The following OR11A1 variants were observed in gnomAD, a reference collection of about 807,000 sequenced individuals.
The protein encoded by OR11A1 is olfactory receptor 11A1.
For missense variants in OR11A1, 380 were observed against 378.2 expected, an observed-to-expected ratio of 1.00 and a Z score of -0.04; for synonymous variants, 158 against 152.2, an observed-to-expected ratio of 1.04 and a Z score of -0.28.
chr6:29,456,501 C>T (rs1165934722), intron 1 of OR11A1, among the ~76,000 whole-genome samples: 1 of 151,066 alleles, frequency 6.6e-6, no homozygotes, highest in East Asian at 1.9e-4. Flanking sequence ...CAGAGCAAGA[C>T]TCCGTCTCAA....
chr6:29,451,621 T>C (rs1785390963), intron 1 of OR11A1, among the ~76,000 whole-genome samples: 1 of 151,978 alleles, frequency 6.6e-6, no homozygotes. Context: ...GAAATGCAAG[T>C]GAAAACCACA....
chr6:29,427,436 G>A lies in OR11A1; in HGVS notation c.206C>T (p.Ser69Phe). 6.2e-7 allele frequency: 1 copy of A among 1,613,088 alleles called. No individual in the cohort carries two copies. ...GGAGGTGTAGAGAATATCCAGGAAG[G>A]ACAGATTCGCCAAGAAAATATACAT... The part of the protein sequence containing the change: ...KPMYIFLANL[S>F]FLDILYTSAV... Residue 69 changes from serine to phenylalanine, a missense_variant, in exon 5 of 5, where the codon TCC becomes TTC. Ser to Phe is a radical substitution (Grantham distance 155, BLOSUM62 -2). Transcript: ENST00000377149.
In OR11A1 at chr6:29,427,253, G is replaced by A; in HGVS notation, c.389C>T (p.Pro130Leu). ...CCCCATCAGGAGTGGGTAGTGGAGT[G>A]GGTAGCAAATTGCCAGGTAGCGGTC... ...AYDRYLAICY[P>L]LHYPLLMGPR... The change falls in exon 5 of 5, where the codon CCA (proline) becomes CTA (leucine). Residue 130 changes from proline (P) to leucine (L), a missense_variant. By Grantham distance (98) the Pro-to-Leu change is moderately conservative (BLOSUM62 -3). Transcript: ENST00000377149. 1.2e-6 allele frequency: 2 copies of A among 1,613,116 alleles called. No individual in the cohort carries two copies. The highest frequency in any genetic ancestry group is 1.7e-6 in the Non-Finnish European group (2 of 1,180,026).
At chr6:29,443,204 T>TTG (rs1784383524) in intron 1 of OR11A1, among the ~76,000 whole-genome samples, 1 of 152,160 alleles carries the variant, frequency 6.6e-6, no homozygotes, top group African/African-American at 2.4e-5. Flanking sequence ...CACCATGACA[T>TTG]TATAGGCGCA....
rs1782800541 is a variant in OR11A1 at position 29,426,394 on chromosome 6, G to A, written c.*300C>T. On this transcript the variant is annotated 3_prime_UTR_variant, in exon 5 of 5. Coordinates refer to ENST00000377149, the MANE Select transcript of OR11A1 (RefSeq NM_001394828.1). ...CCTACTTGAGGGTGGAGGTTGGGAG[G>A]AGGGAGAAGATCAGGAAAAATGATT... 2 of 303,100 alleles carry A rather than the reference G, an allele frequency of 6.6e-6. No individual in the cohort carries two copies. Among genetic ancestry groups the A allele is most frequent in the Non-Finnish European group, 6.1e-6 (1 of 163,736 alleles). 18.8% of individuals were successfully genotyped at this position (303,100 alleles called of 1,614,324 possible).
chr6:29,427,134 A>G lies in OR11A1; in HGVS notation c.508T>C (p.Cys170Arg), dbSNP rs1782878375. 1.9e-6 allele frequency: 3 copies of G among 1,612,958 alleles called. No individual in the cohort carries two copies. The Admixed American group carries it at 5.0e-5, about 27-fold the overall frequency. The change falls in exon 5 of 5, where the codon TGT becomes CGT. Residue 170 changes from cysteine to arginine, a missense_variant. Cys to Arg is a radical substitution (Grantham distance 180). Coordinates refer to ENST00000377149, the MANE Select transcript of OR11A1 (RefSeq NM_001394828.1). Reference protein sequence around the residue: ...VVALVAQLRFCGPNHIDQFYC... With the variant: ...VVALVAQLRFRGPNHIDQFYC... ...AACTGGTCAATGTGGTTGGGGCCAC[A>G]GAACCTCAGCTGGGCCACCAGGGCC...
intron 1 of OR11A1, among the ~76,000 whole-genome samples, chr6:29,443,870 C>T (rs943278546): frequency 1.3e-5 from 2 of 151,586 alleles, no homozygotes; most frequent in Non-Finnish European, 2.9e-5. Context: ...TCTATTCTAC[C>T]TTTTTCTTTG....
At chr6:29,443,198 A>G (rs1032187809) in intron 1 of OR11A1, among the ~76,000 whole-genome samples, 1 of 152,170 alleles carries the variant, frequency 6.6e-6, no homozygotes, top group African/African-American at 2.4e-5. Flanking sequence ...TGTATGCACC[A>G]TGACATTATA....
At chr6:29,440,475 G>A in intron 1 of OR11A1, 1 of 1,613,938 alleles carries the variant, frequency 6.2e-7, no homozygotes, top group East Asian at 2.2e-5. Flanking sequence ...TGGGGTGCTG[G>A]TGGGGCTGGG....
intron 1 of OR11A1, among the ~76,000 whole-genome samples, chr6:29,445,953 T>G (rs2151389856): frequency 6.6e-6 from 1 of 151,130 alleles, no homozygotes; most frequent in South Asian, 2.1e-4. Flanking sequence ...AAACAGGGGC[T>G]CTGGGTCTCC....
At chr6:29,450,766 A>G (rs1212064878) in intron 1 of OR11A1, among the ~76,000 whole-genome samples, 1 of 152,262 alleles carries the variant, frequency 6.6e-6, no homozygotes, top group African/African-American at 2.4e-5. Context: ...AAGAATCCGT[A>G]TTATCCAAAT....
In OR11A1 at chr6:29,426,443, G is replaced by T; in HGVS notation, c.*251C>A. On this transcript the variant is annotated 3_prime_UTR_variant, in exon 5 of 5. Transcript: ENST00000377149. Reference sequence around the variant, plus strand: ...TTAATGAGTACTAGGCTTAATACCTGGGTGATGAAATAATCTGTACAGTAA... The same window carrying T: ...TTAATGAGTACTAGGCTTAATACCTTGGTGATGAAATAATCTGTACAGTAA... The T allele has an allele frequency of 2.1e-6, 1 of 475,486 alleles. No individual in the cohort carries two copies. The allele number at this position is 475,486 out of a possible 1,614,324, so 29.5% of individuals were successfully genotyped here.
Position 29,453,091 on chromosome 6 carries a change from C to T in OR11A1, c.-389+3896G>A, listed in dbSNP as rs2062218167. ...TATAAGTTCAGGATCCATATGGTATCCCCAAGAAAAAAACTTGCACTTTAA... is the reference window on the plus strand; with the variant it reads ...TATAAGTTCAGGATCCATATGGTATTCCCAAGAAAAAAACTTGCACTTTAA... On this transcript the variant is annotated intron_variant, in intron 1 of 4. Transcript: ENST00000377149. This position sits in a 1 kb window ranked among gnomAD's most constrained non-coding sequence, Gnocchi z 4.5. Among the ~76,000 whole-genome samples, 2 of 150,154 alleles carry T rather than the reference C, an allele frequency of 1.3e-5. No homozygotes were observed. The highest frequency in any genetic ancestry group is 4.2e-4 in the South Asian group (2 of 4,792).
chr6:29,455,874 CAA>C (rs9256960), intron 1 of OR11A1, among the ~76,000 whole-genome samples: 4 of 81,006 alleles, frequency 4.9e-5, no homozygotes, highest in Admixed American at 1.6e-4. Context: ...AGACTTGTCT[CAA>C]AAAAAAAAAA....
At position 29,435,347 on chromosome 6, in the gene OR11A1, C is replaced by G. The variant is rs147070174; in HGVS notation, c.-388-3360G>C. Among the ~76,000 whole-genome samples, 1,217 of 152,318 alleles carry G rather than the reference C, an allele frequency of 8.0e-3. 14 individuals are homozygous for G. Among genetic ancestry groups the G allele is most frequent in the East Asian group, 0.025 (131 of 5,186 alleles). ...TCAGAAGTGACTATGGGATGCTTCA[C>G]GGGGGCTAACTTCAAGCTCAAGTTT... On this transcript the variant is annotated intron_variant, in intron 1 of 4. Coordinates refer to ENST00000377149, the MANE Select transcript of OR11A1 (RefSeq NM_001394828.1).
At chr6:29,445,150 G>A (rs1784608902) in intron 1 of OR11A1, among the ~76,000 whole-genome samples, 1 of 152,182 alleles carries the variant, frequency 6.6e-6, no homozygotes, top group African/African-American at 2.4e-5. Context: ...GGGATTACAG[G>A]AGCCTACCAC....
intron 1 of OR11A1, chr6:29,440,885 C>A: frequency 6.2e-7 from 1 of 1,613,824 alleles, no homozygotes; most frequent in Admixed American, 1.7e-5. Flanking sequence ...TCATCTACAG[C>A]CTGCGGAACA....
intron 1 of OR11A1, among the ~76,000 whole-genome samples, chr6:29,452,304 T>A (rs1561829557): frequency 6.6e-6 from 1 of 151,808 alleles, no homozygotes; most frequent in Non-Finnish European, 1.5e-5. Context: ...GTAACAAACC[T>A]GCACCTGTGC....
At chr6:29,450,405 G>T (rs1785238610) in intron 1 of OR11A1, 2 of 152,166 alleles carry the variant, frequency 1.3e-5, no homozygotes, top group African/African-American at 4.8e-5. Context: ...TATGTCCCGG[G>T]TATAGAATCC....
Sources: gnomAD v4.1 joint callset for allele counts (sites outside exome capture counted in the v4.1 genomes callset) on GRCh38, gnomAD v4.1.1 for gene constraint, Gnocchi (gnomAD v3.1) non-coding constraint, MANE v1.5 for transcripts, NCBI Gene and HGNC (gene_info 2026-07-23, HGNC 2026-07-21) for gene names.